UBE3A: variants seen among roughly 807,000 people sequenced by gnomAD.
The protein encoded by UBE3A is ubiquitin protein ligase E3A, also known as ubiquitin-protein ligase E3A.
Under a neutral mutation model 83.4 loss-of-function variants are expected in UBE3A, and 6 were observed. The ratio of observed to expected loss-of-function variants is 0.07; its 90% confidence interval spans 0.04 to 0.14. The LOEUF (loss-of-function observed/expected upper bound fraction) is 0.14. Ranked by LOEUF, UBE3A falls within the 10% of genes least tolerant of loss-of-function variation. The probability of loss-of-function intolerance (pLI) is 1.00; values close to 1 mark genes in which losing one functional copy is unlikely to be tolerated. For missense variants in UBE3A, 456 were observed against 1,036.1 expected (o/e 0.44, Z 7.69); for synonymous variants, 337 against 355.4 (o/e 0.95, Z 0.58).
chr15:25,385,392 T>A (rs984683204), intron 4 of UBE3A, among the ~76,000 whole-genome samples: 2 of 152,048 alleles, frequency 1.3e-5, no homozygotes, highest in Non-Finnish European at 2.9e-5. Flanking sequence ...AAAACTGCAA[T>A]GATACATCAT....
intron 4 of UBE3A, among the ~76,000 whole-genome samples, chr15:25,401,991 T>C (rs2087250086): frequency 6.6e-6 from 1 of 152,230 alleles, no homozygotes; most frequent in Non-Finnish European, 1.5e-5. Flanking sequence ...TCATTGAGCT[T>C]CCTTAAACAA....
Position 25,425,848 on chromosome 15 carries a change from A to T in UBE3A, c.-165+12641T>A, listed in dbSNP as rs578127828. Among the ~76,000 whole-genome samples, 7 of 152,274 alleles carry T rather than the reference A, an allele frequency of 4.6e-5. No homozygotes were observed. In the South Asian group the frequency reaches 1.5e-3, roughly 32 times the overall value. On this transcript the variant is annotated intron_variant, in intron 1 of 12. Coordinates refer to ENST00000648336, the MANE Select transcript of UBE3A (RefSeq NM_130839.5). ...TGTAAAAATGTTAGAATTCCTAGGA[A>T]CTTTTCATGATTTATGAGCCTAACC...
At chr15:25,382,087 G>A (rs979620249) in intron 4 of UBE3A, among the ~76,000 whole-genome samples, 5 of 152,230 alleles carry the variant, frequency 3.3e-5, no homozygotes, top group Non-Finnish European at 5.9e-5. Flanking sequence ...GGGAGGCCGA[G>A]GCAGGCGGAT....
intron 6 of UBE3A, among the ~76,000 whole-genome samples, chr15:25,362,876 C>G (rs2078348773): frequency 6.6e-6 from 1 of 152,010 alleles, no homozygotes; most frequent in Non-Finnish European, 1.5e-5. Flanking sequence ...TTGCTTTTAT[C>G]AAATATAATG....
chr15:25,396,535 A>G (rs1358148567), intron 4 of UBE3A, among the ~76,000 whole-genome samples: 1 of 152,204 alleles, frequency 6.6e-6, no homozygotes, highest in Non-Finnish European at 1.5e-5. Flanking sequence ...AGGCATGAGG[A>G]TCACTTGAGC....
At position 25,341,401 on chromosome 15, in the gene UBE3A, TA is replaced by T. The variant is rs201568420; in HGVS notation, c.2355-1174del. Among the ~76,000 whole-genome samples, 20 of 149,458 alleles carry T rather than the reference TA, an allele frequency of 1.3e-4. No individual in the cohort carries two copies. In the Middle Eastern group the frequency reaches 0.014, roughly 103 times the overall value. On this transcript the variant is annotated intron_variant, in intron 11 of 12. Transcript: ENST00000648336. ...CTAAATAATGTTAAGATTAAAAAAT[TA>T]AAAAAAAAATTAAAAGTATTTTTAG...
chr15:25,427,264 T>TA (rs1343123839), intron 1 of UBE3A, among the ~76,000 whole-genome samples: 1 of 151,988 alleles, frequency 6.6e-6, no homozygotes, highest in Non-Finnish European at 1.5e-5. Context: ...CAATTAACAG[T>TA]ATAATATAAA....
intron 1 of UBE3A, among the ~76,000 whole-genome samples, chr15:25,435,003 C>T (rs927877959): frequency 6.7e-6 from 1 of 148,600 alleles, no homozygotes; most frequent in African/African-American, 2.5e-5. Context: ...CACACACACA[C>T]ACACACACAC....
At chr15:25,429,290 A>G (rs946402057) in intron 1 of UBE3A, among the ~76,000 whole-genome samples, 2 of 152,222 alleles carry the variant, frequency 1.3e-5, no homozygotes, top group African/African-American at 4.8e-5. Flanking sequence ...TGGGGTTGTT[A>G]AAAGTGATTA....
chr15:25,352,983 T>G (rs1451480414), intron 11 of UBE3A, among the ~76,000 whole-genome samples: 2 of 152,314 alleles, frequency 1.3e-5, no homozygotes, highest in South Asian at 2.1e-4. Context: ...AAAGATAATT[T>G]CTCTATAAAG....
At chr15:25,356,105 C>T in intron 8 of UBE3A, 49 bp from the exon 9 acceptor site, 1 of 1,590,176 alleles carries the variant, frequency 6.3e-7, no homozygotes. Context: ...CTACAAAATA[C>T]AACAAATAAT....
intron 7 of UBE3A, among the ~76,000 whole-genome samples, chr15:25,360,017 T>C (rs1373956459): frequency 6.6e-6 from 1 of 152,188 alleles, no homozygotes; most frequent in African/African-American, 2.4e-5. Context: ...CTTCAAACCA[T>C]TGTTCTTTGA....
intron 1 of UBE3A, among the ~76,000 whole-genome samples, chr15:25,425,670 G>A (rs1891116351): frequency 6.6e-6 from 1 of 151,918 alleles, no homozygotes; most frequent in Admixed American, 6.6e-5. Context: ...ATGAAGCGAA[G>A]AGAAACCTTT....
chr15:25,431,112 A>C (rs1893321881), intron 1 of UBE3A, among the ~76,000 whole-genome samples: 1 of 152,322 alleles, frequency 6.6e-6, no homozygotes, highest in African/African-American at 2.4e-5. Flanking sequence ...ACTACAGTCA[A>C]CTTTTCAGAA....
intron 6 of UBE3A, among the ~76,000 whole-genome samples, chr15:25,363,655 G>A (rs969065298): frequency 2.6e-5 from 4 of 152,088 alleles, no homozygotes; most frequent in African/African-American, 9.7e-5. Context: ...TCTCTTCAAT[G>A]ACGACCAAAA....
rs1342162211 is a variant in UBE3A at position 25,336,174 on chromosome 15, A to C, written c.*2963T>G. ...TTTACACACTAACACTGTTGAGGTAAAAGGAGACAAGTGAGGGAGCAAATG... is the reference window on the plus strand; with the variant it reads ...TTTACACACTAACACTGTTGAGGTACAAGGAGACAAGTGAGGGAGCAAATG... On this transcript the variant is annotated 3_prime_UTR_variant, in exon 13 of 13. Coordinates refer to ENST00000648336, the MANE Select transcript of UBE3A (RefSeq NM_130839.5). The C allele has an allele frequency of 1.3e-5, 2 of 152,236 alleles. No homozygotes were observed. Among genetic ancestry groups the C allele is most frequent in the Admixed American group, 1.3e-4 (2 of 15,272 alleles). 9.4% of individuals were successfully genotyped at this position (152,236 alleles called of 1,614,324 possible).
chr15:25,340,823 A>C (rs1473006738), intron 11 of UBE3A, among the ~76,000 whole-genome samples: 1 of 152,208 alleles, frequency 6.6e-6, no homozygotes, highest in Non-Finnish European at 1.5e-5. Flanking sequence ...AGAATACTTT[A>C]AACAAGTAAT....
chr15:25,403,339 C>T (rs1347778114), intron 4 of UBE3A, among the ~76,000 whole-genome samples: 1 of 152,126 alleles, frequency 6.6e-6, no homozygotes, highest in Non-Finnish European at 1.5e-5. Flanking sequence ...TTGTATTCCA[C>T]AAAATATTAT....
chr15:25,365,742 C>T (rs1429675446), intron 6 of UBE3A, among the ~76,000 whole-genome samples: 7 of 128,634 alleles, frequency 5.4e-5, no homozygotes, highest in Non-Finnish European at 7.9e-5. Context: ...AGCAAGACTC[C>T]GTCTAAAAAA....
Sources: gnomAD v4.1 joint callset for allele counts (sites outside exome capture counted in the v4.1 genomes callset) on GRCh38, gnomAD v4.1.1 for gene constraint, MANE v1.5 for transcripts, NCBI Gene and HGNC (gene_info 2026-07-23, HGNC 2026-07-21) for gene names.